TMCO4: variants seen among roughly 807,000 people sequenced by gnomAD.
TMCO4 encodes transmembrane and coiled-coil domain-containing protein 4.
A neutral mutation model predicts 64.7 loss-of-function variants in TMCO4; 58 were observed. The observed-to-expected ratio is 0.90, with a 90% CI of 0.73 to 1.12. The LOEUF (loss-of-function observed/expected upper bound fraction) is 1.12, where lower values mean the gene tolerates loss of function less well. TMCO4 is among the 50% of genes most tolerant of loss of function. The pLI is 0.00. For missense variants in TMCO4, 780 were observed against 825.9 expected (o/e 0.94, Z 0.68); for synonymous variants, 325 against 346.1 (o/e 0.94, Z 0.68).
intron 2 of TMCO4, among the ~76,000 whole-genome samples, chr1:19,792,231 T>C (rs1187921978): frequency 1.3e-5 from 2 of 152,200 alleles, no homozygotes; most frequent in Non-Finnish European, 2.9e-5. Context: ...TAGAAGAGGA[T>C]GCGATCTCCA....
At chr1:19,781,052 G>T (rs1248457065) in intron 3 of TMCO4, among the ~76,000 whole-genome samples, 1 of 146,254 alleles carries the variant, frequency 6.8e-6, no homozygotes, top group East Asian at 2.0e-4. Flanking sequence ...ATGGGCAAAA[G>T]ACTTGAATAG....
In TMCO4 at chr1:19,700,829, C is replaced by G; in HGVS notation, c.1321G>C (p.Ala441Pro). 1 of 1,614,260 alleles carries G rather than the reference C, an allele frequency of 6.2e-7. No individual in the cohort carries two copies. The highest frequency in any genetic ancestry group is 8.5e-7 in the Non-Finnish European group (1 of 1,180,046). The change falls in exon 14 of 16, where the codon GCC becomes CCC. Residue 441 changes from alanine (A) to proline (P), a missense_variant. Coordinates refer to ENST00000294543, the MANE Select transcript of TMCO4 (RefSeq NM_181719.7). ...TTCCGGAAAGGCTCCCAATGCTTGG[C>G]TTCTCCCTCCACAGGCGCACCCAGC... ...ILLGAPVEGE[A>P]KHWEPFRKVV...
intron 15 of TMCO4, 49 bp from the exon 16 acceptor site, chr1:19,683,493 C>T (rs982575571): frequency 9.4e-6 from 15 of 1,595,976 alleles, no homozygotes; most frequent in Non-Finnish European, 1.3e-5. Flanking sequence ...AGAGCCCAGC[C>T]CTCCCCAGGG....
chr1:19,789,607 A>T (rs2043925220), intron 2 of TMCO4, among the ~76,000 whole-genome samples: 1 of 152,120 alleles, frequency 6.6e-6, no homozygotes, highest in Non-Finnish European at 1.5e-5. Flanking sequence ...AATGTAGAAA[A>T]AAACCCTTTT....
chr1:19,773,643 G>A (rs2043083600), intron 4 of TMCO4, among the ~76,000 whole-genome samples: 1 of 152,158 alleles, frequency 6.6e-6, no homozygotes, highest in South Asian at 2.1e-4. Flanking sequence ...TTAGCAGAGA[G>A]CATCTTGGGA....
At chr1:19,797,547 T>C (rs928324605) in intron 2 of TMCO4, among the ~76,000 whole-genome samples, 3 of 152,032 alleles carry the variant, frequency 2.0e-5, no homozygotes, top group Non-Finnish European at 4.4e-5. Flanking sequence ...CTGGTCCATG[T>C]AAAAGGTTTT....
At chr1:19,751,457 C>T (rs992284733) in intron 7 of TMCO4, among the ~76,000 whole-genome samples, 15 of 152,150 alleles carry the variant, frequency 9.9e-5, no homozygotes, top group African/African-American at 3.6e-4. Context: ...ATTAGCCGGG[C>T]ATGGTGGTGC....
intron 8 of TMCO4, 28 bp downstream of exon 8, chr1:19,747,135 G>GTTT: frequency 6.2e-7 from 1 of 1,608,272 alleles, no homozygotes; most frequent in Non-Finnish European, 8.5e-7. Context: ...AAACCCAGAC[G>GTTT]TGTGCCACCA....
intron 10 of TMCO4, among the ~76,000 whole-genome samples, chr1:19,745,198 AGAT>A (rs937441245): frequency 5.4e-5 from 8 of 147,050 alleles, no homozygotes; most frequent in Middle Eastern, 3.5e-3. Context: ...GTAGAAGAGT[AGAT>A]GGATGGATGG....
chr1:19,774,259 T>C (rs2043112093), intron 4 of TMCO4, among the ~76,000 whole-genome samples: 1 of 152,224 alleles, frequency 6.6e-6, no homozygotes, highest in Non-Finnish European at 1.5e-5. Context: ...CTGGTCCTGC[T>C]GTCCACGAAG....
intron 7 of TMCO4, among the ~76,000 whole-genome samples, chr1:19,751,543 G>A (rs901717262): frequency 1.3e-5 from 2 of 152,302 alleles, no homozygotes; most frequent in East Asian, 3.9e-4. Context: ...GCTGCAGTGA[G>A]CCTCTGCTGC....
At chr1:19,702,485 T>C (rs1308180805) in intron 13 of TMCO4, among the ~76,000 whole-genome samples, 3 of 151,912 alleles carry the variant, frequency 2.0e-5, no homozygotes, top group Non-Finnish European at 4.4e-5. Context: ...ATCCCAGCTA[T>C]TTGGGAGGCT....
At chr1:19,695,011 G>C (rs1237947554) in intron 14 of TMCO4, among the ~76,000 whole-genome samples, 1 of 152,204 alleles carries the variant, frequency 6.6e-6, no homozygotes, top group Non-Finnish European at 1.5e-5. Context: ...CTGTGAGGAG[G>C]GGAGGAACTC....
chr1:19,762,854 CA>C (rs1398498907), intron 6 of TMCO4, among the ~76,000 whole-genome samples: 1 of 152,126 alleles, frequency 6.6e-6, no homozygotes, highest in Non-Finnish European at 1.5e-5. Context: ...TGGGAGAGCC[CA>C]CACCTTTGGG....
chr1:19,758,844 T>A (rs984106737), intron 6 of TMCO4, among the ~76,000 whole-genome samples: 1 of 152,098 alleles, frequency 6.6e-6, no homozygotes, highest in Non-Finnish European at 1.5e-5. Flanking sequence ...CCTGTGCCTG[T>A]AATTCCAGCA....
chr1:19,714,948 A>T (rs192706217), intron 13 of TMCO4, among the ~76,000 whole-genome samples: 86 of 152,074 alleles, frequency 5.7e-4, no homozygotes, highest in South Asian at 1.0e-3. Flanking sequence ...AATAAATAAA[A>T]AATAAAAAGT....
rs1240292370 is a variant in TMCO4, at chr1:19,700,765, G to C, written c.1382+3C>G. ...TCCCCGCTGGCACGAGGTTTGGACA[G>C]ACCTGCAGTAGCCGTTGATGATCCT... On this transcript the variant is annotated splice_donor_region_variant and intron_variant, in intron 14 of 15. Coordinates refer to ENST00000294543, the MANE Select transcript of TMCO4 (RefSeq NM_181719.7). 6.2e-7 allele frequency: 1 copy of C among 1,613,332 alleles called. No individual in the cohort carries two copies. Among genetic ancestry groups the C allele is most frequent in the South Asian group, 1.1e-5 (1 of 91,066 alleles).
At chr1:19,702,123 CCA>C (rs1459999398) in intron 13 of TMCO4, among the ~76,000 whole-genome samples, 2 of 152,070 alleles carry the variant, frequency 1.3e-5, no homozygotes, top group African/African-American at 4.8e-5. Flanking sequence ...GTGCCCGCCA[CCA>C]CACCCGGCTA....
intron 12 of TMCO4, 143 bp from the exon 13 acceptor site, chr1:19,737,599 A>G (rs1212032269): frequency 3.2e-6 from 2 of 632,554 alleles, no homozygotes; most frequent in Non-Finnish European, 5.3e-6. Context: ...CCGGTCCCTG[A>G]GCGCTGATGT....
Sources: gnomAD v4.1 joint callset for allele counts (sites outside exome capture counted in the v4.1 genomes callset) on GRCh38, gnomAD v4.1.1 for gene constraint, MANE v1.5 for transcripts, NCBI Gene and HGNC (gene_info 2026-07-23, HGNC 2026-07-21) for gene names.